PIP4K2A: variants seen among roughly 807,000 people sequenced by gnomAD.
The protein encoded by PIP4K2A is phosphatidylinositol-5-phosphate 4-kinase type 2 alpha.
PIP4K2A carries 14 observed loss-of-function variants against 42.9 expected under a neutral mutation model. The ratio of observed to expected loss-of-function variants is 0.33; its 90% CI spans 0.22 to 0.51. PIP4K2A has a LOEUF of 0.51. PIP4K2A is among the 20% of genes least tolerant of loss of function. PIP4K2A has a pLI of 0.97. For synonymous variants in PIP4K2A, 192 were observed against 192.2 expected, an observed-to-expected ratio of 1.00 and a Z score of 0.01; for missense variants, 434 against 519.8, an observed-to-expected ratio of 0.83 and a Z score of 1.61.
intron 1 of PIP4K2A, among the ~76,000 whole-genome samples, chr10:22,619,570 G>A (rs1838268586): frequency 2.0e-5 from 3 of 151,730 alleles, no homozygotes; most frequent in Non-Finnish European, 4.4e-5. Flanking sequence ...CCGAGTAGCT[G>A]GGACTACAGG....
intron 1 of PIP4K2A, among the ~76,000 whole-genome samples, chr10:22,687,023 T>C (rs1388213810): frequency 6.6e-6 from 1 of 152,134 alleles, no homozygotes; most frequent in Non-Finnish European, 1.5e-5. Context: ...AATGAGACCT[T>C]ATTTGTTTTA....
chr10:22,664,169 A>C (rs796638031), intron 1 of PIP4K2A, among the ~76,000 whole-genome samples: 1 of 59,688 alleles, frequency 1.7e-5, no homozygotes, highest in South Asian at 3.5e-4. Context: ...ATATATATAC[A>C]TATATATATA....
intron 1 of PIP4K2A, chr10:22,691,868 T>A (rs1053784732): frequency 1.3e-5 from 2 of 152,156 alleles, no homozygotes; most frequent in African/African-American, 4.8e-5. Flanking sequence ...TAGCTGAGAT[T>A]CTAAATTCCT....
intron 1 of PIP4K2A, among the ~76,000 whole-genome samples, chr10:22,700,395 C>A (rs1833691803): frequency 6.6e-6 from 1 of 152,176 alleles, no homozygotes; most frequent in South Asian, 2.1e-4. Flanking sequence ...ATAAACCCCA[C>A]TTTCTTTTCT....
At chr10:22,573,913 C>T (rs1837049454) in intron 4 of PIP4K2A, among the ~76,000 whole-genome samples, 1 of 152,228 alleles carries the variant, frequency 6.6e-6, no homozygotes, top group South Asian at 2.1e-4. Flanking sequence ...TTGTGGGGAG[C>T]CCAGTGTTAG....
chr10:22,556,168 T>C (rs752572183), intron 6 of PIP4K2A, among the ~76,000 whole-genome samples: 15 of 152,142 alleles, frequency 9.9e-5, no homozygotes, highest in Non-Finnish European at 1.9e-4. Flanking sequence ...AGGGCAAAGT[T>C]AGTATTTCAT....
At chr10:22,680,258 GAGTACAAAACTATAAATA>G (rs1309837001) in intron 1 of PIP4K2A, among the ~76,000 whole-genome samples, 1 of 152,038 alleles carries the variant, frequency 6.6e-6, no homozygotes, top group African/African-American at 2.4e-5. Flanking sequence ...GAATAAAGCA[GAGTACAAAACTATAAATA>G]AATTTTATAA....
intron 1 of PIP4K2A, among the ~76,000 whole-genome samples, chr10:22,643,458 A>G (rs1838819894): frequency 6.6e-6 from 1 of 152,144 alleles, no homozygotes; most frequent in South Asian, 2.1e-4. Flanking sequence ...AGGAAGGCAG[A>G]TTAATCCCAC....
intron 1 of PIP4K2A, among the ~76,000 whole-genome samples, chr10:22,620,678 T>C (rs536557199): frequency 6.6e-6 from 1 of 152,344 alleles, no homozygotes; most frequent in African/African-American, 2.4e-5. Context: ...CCGGCATCAC[T>C]CATCTGGTGC....
intron 1 of PIP4K2A, chr10:22,694,199 A>T (rs1193112941): frequency 6.6e-6 from 1 of 152,158 alleles, no homozygotes; most frequent in Non-Finnish European, 1.5e-5. Context: ...TAAGCAAGAC[A>T]ATCTACTGAG....
chr10:22,620,280 G>C (rs1271339359), intron 1 of PIP4K2A, among the ~76,000 whole-genome samples: 2 of 152,182 alleles, frequency 1.3e-5, no homozygotes, highest in East Asian at 1.9e-4. Context: ...TAAAACTACT[G>C]AATTCAGGCC....
intron 1 of PIP4K2A, among the ~76,000 whole-genome samples, chr10:22,664,132 TATATATATACATATATATAC>T (rs1839283580): frequency 1.8e-5 from 1 of 54,472 alleles, no homozygotes; most frequent in African/African-American, 1.8e-4. Flanking sequence ...TATATATACA[TATATATATACATATATATAC>T]ACATATATAT....
intron 6 of PIP4K2A, among the ~76,000 whole-genome samples, chr10:22,561,204 AT>A (rs918292748): frequency 8.6e-5 from 13 of 151,752 alleles, no homozygotes; most frequent in Non-Finnish European, 1.3e-4. Context: ...GACAATGGTT[AT>A]TTTTTTTTAA....
At chr10:22,706,193 T>G (rs1470228898) in intron 1 of PIP4K2A, among the ~76,000 whole-genome samples, 1 of 152,008 alleles carries the variant, frequency 6.6e-6, no homozygotes, top group Non-Finnish European at 1.5e-5. Context: ...CCAAACCATA[T>G]CACCCATCTT....
At chr10:22,574,360 T>C (rs752897638) in intron 4 of PIP4K2A, among the ~76,000 whole-genome samples, 5 of 152,126 alleles carry the variant, frequency 3.3e-5, no homozygotes, top group Non-Finnish European at 5.9e-5. Flanking sequence ...ACCATACATG[T>C]TGGGCATATT....
At chr10:22,664,064 T>TATATATATATACGTATATATATATAC (rs1564459760) in intron 1 of PIP4K2A, among the ~76,000 whole-genome samples, 5 of 77,774 alleles carry the variant, frequency 6.4e-5, no homozygotes, top group South Asian at 3.1e-4. Context: ...TATATATACA[T>TATATATATATACGTATATATATATAC]ATATATATAT....
chr10:22,580,914 G>A (rs141234308), intron 4 of PIP4K2A, among the ~76,000 whole-genome samples: 243 of 152,264 alleles, frequency 1.6e-3, no homozygotes, highest in African/African-American at 5.6e-3. Flanking sequence ...AATGCGGCCC[G>A]GGAGGCTCCT....
chr10:22,654,136 C>T (rs1839046941), intron 1 of PIP4K2A, among the ~76,000 whole-genome samples: 1 of 152,114 alleles, frequency 6.6e-6, no homozygotes, highest in Non-Finnish European at 1.5e-5. Flanking sequence ...GCCGCAGATG[C>T]CCAAGGCCAT....
chr10:22,702,660 C>T lies in PIP4K2A; in HGVS notation c.144+11523G>A, dbSNP rs185751030. On this transcript the variant is annotated intron_variant, in intron 1 of 9. Coordinates refer to ENST00000376573, the MANE Select transcript of PIP4K2A (RefSeq NM_005028.5). ...CAGCAAGTTTTTCCCCACTCTCTAA[C>T]ACACTGCACAACCCGCTCAGCAAAA... Among the ~76,000 whole-genome samples the T allele has an allele frequency of 8.5e-5, 13 of 152,288 alleles. No homozygotes were observed. In the East Asian group the frequency reaches 2.1e-3, roughly 25 times the overall value.
Sources: gnomAD v4.1 joint callset for allele counts (sites outside exome capture counted in the v4.1 genomes callset) on GRCh38, gnomAD v4.1.1 for gene constraint, MANE v1.5 for transcripts, NCBI Gene and HGNC (gene_info 2026-07-23, HGNC 2026-07-21) for gene names.